PIGW: variants seen among roughly 807,000 people sequenced by gnomAD.
PIGW encodes the protein phosphatidylinositol glycan anchor biosynthesis class W, also known as glucosaminyl-phosphatidylinositol-acyltransferase PIGW.
A neutral mutation model predicts 34.0 loss-of-function variants in PIGW; 23 were observed. That is an observed-to-expected ratio of 0.68 (90% CI 0.49 to 0.96). The LOEUF (loss-of-function observed/expected upper bound fraction) is 0.96. Ranked by LOEUF, PIGW falls within the 40% of genes least tolerant of loss-of-function variation. The pLI, the probability that PIGW is intolerant of heterozygous loss-of-function variation, is 0.00. For synonymous variants in PIGW, 225 were observed against 225.2 expected (o/e 1.00, Z 0.01); for missense variants, 574 against 586.3 (o/e 0.98, Z 0.22).
rs1369254760 is a variant in PIGW at position 36,535,449 on chromosome 17, C to G, written c.-152C>G. 1 of 152,262 alleles carries G rather than the reference C, an allele frequency of 6.6e-6. No individual in the cohort carries two copies. The highest frequency in any genetic ancestry group is 1.5e-5 in the Non-Finnish European group (1 of 68,072). 9.4% of individuals were successfully genotyped at this position (152,262 alleles called of 1,614,324 possible). On this transcript the variant is annotated 5_prime_UTR_variant, in exon 1 of 2. Transcript: ENST00000614443. ...CGGAGACGCGCGGAATCGGCCGGCC[C>G]GGAAGTGCCAGCTGCCTGCGTCGGC...
rs766839187 is a variant in PIGW at position 36,538,141 on chromosome 17, C to T, written c.1040C>T (p.Ala347Val). The T allele has an allele frequency of 1.1e-5, 18 of 1,614,086 alleles. No individual in the cohort carries two copies. Among genetic ancestry groups the T allele is most frequent in the Non-Finnish European group, 1.4e-5 (17 of 1,180,002 alleles). ...GTAGCCTGTTTTCTTTTACTGGCAG[C>T]TATTAGCCTCTTCATATCTCTTTAC... ...IKVACFLLLA[A>V]ISLFISLYVV... The change falls in exon 2 of 2, where the codon GCT (alanine) becomes GTT (valine). Residue 347 changes from alanine (A) to valine (V), a missense_variant. Transcript: ENST00000614443.
In PIGW at chr17:36,537,927, C is replaced by T. The variant is rs2074165401; in HGVS notation, c.826C>T (p.Leu276Phe). The change falls in exon 2 of 2, where the codon CTT becomes TTT. Residue 276 changes from leucine (L) to phenylalanine (F), a missense_variant. Coordinates refer to ENST00000614443, the MANE Select transcript of PIGW (RefSeq NM_001346754.2). ...CATTACTGTATTATACCAGCTAGCC[C>T]TTGACTTTACCTCACTGAAGAGGTT... is the stretch of plus-strand genomic sequence containing the variant. ...LGITVLYQLALDFTSLKRLIL... is the reference protein window; with the variant it reads ...LGITVLYQLAFDFTSLKRLIL... The T allele has an allele frequency of 1.2e-6, 2 of 1,613,934 alleles. No homozygotes were observed. Among genetic ancestry groups the T allele is most frequent in the Admixed American group, 1.7e-5 (1 of 60,000 alleles).
Position 36,535,420 on chromosome 17 carries a change from T to C in PIGW, c.-181T>C, listed in dbSNP as rs1201000074. Reference sequence around the variant, plus strand: ...CGGGACACTGGCACGAGCGCCATGATGGGCGGAGACGCGCGGAATCGGCCG... The same window carrying C: ...CGGGACACTGGCACGAGCGCCATGACGGGCGGAGACGCGCGGAATCGGCCG... On this transcript the variant is annotated 5_prime_UTR_variant, in exon 1 of 2. An upstream start codon of the reference 5' UTR is lost. Coordinates refer to ENST00000614443, the MANE Select transcript of PIGW (RefSeq NM_001346754.2). 1 of 152,200 alleles carries C rather than the reference T, an allele frequency of 6.6e-6. No individual in the cohort carries two copies. Among genetic ancestry groups the C allele is most frequent in the Non-Finnish European group, 1.5e-5 (1 of 68,058 alleles). 9.4% of individuals were successfully genotyped at this position (152,200 alleles called of 1,614,324 possible).
intron 1 of PIGW, among the ~76,000 whole-genome samples, chr17:36,536,468 C>T (rs1259049608): frequency 6.6e-6 from 1 of 152,038 alleles, no homozygotes; most frequent in Admixed American, 6.6e-5. Flanking sequence ...GCCTATGATG[C>T]CATTCTCAGA....
Position 36,537,987 on chromosome 17 carries a change from G to T in PIGW, c.886G>T (p.Val296Phe), listed in dbSNP as rs143449294. The T allele has an allele frequency of 8.2e-5, 132 of 1,613,912 alleles. No individual in the cohort carries two copies. Among genetic ancestry groups the T allele is most frequent in the Non-Finnish European group, 1.1e-4 (127 of 1,180,050 alleles). The change falls in exon 2 of 2, where the codon GTT (valine) becomes TTT (phenylalanine). Residue 296 changes from valine to phenylalanine, a missense_variant. Coordinates refer to ENST00000614443, the MANE Select transcript of PIGW (RefSeq NM_001346754.2). ...LYGTDGSGTR[V>F]GLLNANREGI... is the part of the protein sequence containing the mutation. Reference sequence around the variant, plus strand: ...TGGCACTGATGGTAGTGGCACACGGGTTGGTCTATTAAATGCCAACCGCGA... The same window carrying T: ...TGGCACTGATGGTAGTGGCACACGGTTTGGTCTATTAAATGCCAACCGCGA...
In PIGW at chr17:36,538,006, A is replaced by T. The variant is rs773486077; in HGVS notation, c.905A>T (p.Asn302Ile). ...ACACGGGTTGGTCTATTAAATGCCAACCGCGAAGGAATAATCTCTACCCTG... is the reference window on the plus strand; with the variant it reads ...ACACGGGTTGGTCTATTAAATGCCATCCGCGAAGGAATAATCTCTACCCTG... ...SGTRVGLLNANREGIISTLGY... is the reference protein window; with the variant it reads ...SGTRVGLLNAIREGIISTLGY... The change falls in exon 2 of 2, where the codon AAC becomes ATC. Residue 302 changes from asparagine to isoleucine, a missense_variant. Asn to Ile is a moderately radical substitution (Grantham distance 149). Coordinates refer to ENST00000614443, the MANE Select transcript of PIGW (RefSeq NM_001346754.2). 7 of 1,614,048 alleles carry T rather than the reference A, an allele frequency of 4.3e-6. No homozygotes were observed. The South Asian group carries it at 7.7e-5, about 18-fold the overall frequency.
chr17:36,536,115 G>A lies in PIGW; in HGVS notation c.-9+523G>A, dbSNP rs578124032. ...CAGACAATGATGTGTGGCATTCAGA[G>A]GTGTTTTACAACCCTTAATAAAAGA... On this transcript the variant is annotated intron_variant, in intron 1 of 1. Coordinates refer to ENST00000614443, the MANE Select transcript of PIGW (RefSeq NM_001346754.2). Among the ~76,000 whole-genome samples the A allele has an allele frequency of 2.0e-5, 3 of 152,186 alleles. No individual in the cohort carries two copies. The East Asian group carries it at 5.8e-4, about 29-fold the overall frequency.
Position 36,538,081 on chromosome 17 carries a change from A to G in PIGW, c.980A>G (p.His327Arg), listed in dbSNP as rs528500343. The G allele has an allele frequency of 4.1e-4, 655 of 1,614,222 alleles. 6 individuals carry two copies. The South Asian group carries it at 6.8e-3, about 17-fold the overall frequency. ...MAGVQTGLYM[H>R]KNRSHIKDLI... ...GGTGTGCAAACAGGGTTATATATGCATAAGAACCGATCACATATCAAAGAC... is the reference window on the plus strand; with the variant it reads ...GGTGTGCAAACAGGGTTATATATGCGTAAGAACCGATCACATATCAAAGAC... The change falls in exon 2 of 2, where the codon CAT becomes CGT. Residue 327 changes from histidine (H) to arginine (R), a missense_variant. Coordinates refer to ENST00000614443, the MANE Select transcript of PIGW (RefSeq NM_001346754.2).
Position 36,535,350 on chromosome 17 carries a change from C to G in PIGW, c.-251C>G, listed in dbSNP as rs1418754622. On this transcript the variant is annotated 5_prime_UTR_variant, in exon 1 of 2. It adds an upstream start codon to the 5' untranslated region. Transcript: ENST00000614443. ...TCTCAGGGCTACGGCCCTAGAAGATCTGGCCTGCACCAGCCCAAAGGACAT... is the reference window on the plus strand; with the variant it reads ...TCTCAGGGCTACGGCCCTAGAAGATGTGGCCTGCACCAGCCCAAAGGACAT... 2 of 152,288 alleles carry G rather than the reference C, an allele frequency of 1.3e-5. No homozygotes were observed. The highest frequency in any genetic ancestry group is 2.9e-5 in the Non-Finnish European group (2 of 68,118). The allele number at this position is 152,288 out of a possible 1,614,324, so 9.4% of individuals were successfully genotyped here. A position where few individuals can be genotyped will look rare whatever the true frequency, so the allele number is the denominator to read the frequency against.
At position 36,535,433 on chromosome 17, in the gene PIGW, G is replaced by C. The variant is rs1408828948; in HGVS notation, c.-168G>C. 1 of 152,286 alleles carries C rather than the reference G, an allele frequency of 6.6e-6. No homozygotes were observed. The highest frequency in any genetic ancestry group is 1.9e-4 in the East Asian group (1 of 5,190). 9.4% of individuals were successfully genotyped at this position (152,286 alleles called of 1,614,324 possible). A position where few individuals can be genotyped will look rare whatever the true frequency, so the allele number is the denominator to read the frequency against. On this transcript the variant is annotated 5_prime_UTR_variant, in exon 1 of 2. Coordinates refer to ENST00000614443, the MANE Select transcript of PIGW (RefSeq NM_001346754.2). Reference sequence around the variant, plus strand: ...CGAGCGCCATGATGGGCGGAGACGCGCGGAATCGGCCGGCCCGGAAGTGCC... The same window carrying C: ...CGAGCGCCATGATGGGCGGAGACGCCCGGAATCGGCCGGCCCGGAAGTGCC...
intron 1 of PIGW, among the ~76,000 whole-genome samples, chr17:36,536,262 A>G (rs2074118728): frequency 6.6e-6 from 1 of 152,184 alleles, no homozygotes; most frequent in Admixed American, 6.5e-5. Context: ...GGATCCAGAA[A>G]TCACTGCAGG....
intron 1 of PIGW, among the ~76,000 whole-genome samples, chr17:36,535,865 C>G (rs1046194258): frequency 5.9e-5 from 9 of 151,424 alleles, no homozygotes; most frequent in Admixed American, 2.0e-4. Flanking sequence ...GCGATCCTCT[C>G]TCCTCCCAAA....
Position 36,537,155 on chromosome 17 carries a change from C to T in PIGW, c.54C>T (p.Thr18=), listed in dbSNP as rs529378174. 7.4e-6 allele frequency: 12 copies of T among 1,613,088 alleles called. No homozygotes were observed. The highest frequency in any genetic ancestry group is 3.3e-5 in the Admixed American group (2 of 59,754). The part of the protein sequence containing the change: ...EAFVSNLNGT[T]VLEITQGLCF... ...TTGTCAGTAACCTCAATGGAACCAC[C>T]GTGCTGGAAATCACCCAGGGATTGT... The change falls in exon 2 of 2, where the codon ACC becomes ACT. Residue 18 remains threonine, a synonymous_variant. Transcript: ENST00000614443.
At chr17:36,536,941 C>T (rs565146078) in intron 1 of PIGW, among the ~76,000 whole-genome samples, 153 bp from the exon 2 acceptor site, 7 of 152,290 alleles carry the variant, frequency 4.6e-5, no homozygotes, top group Admixed American at 3.3e-4. Context: ...TTCCCACAAT[C>T]CTTGGAAGGG....
chr17:36,538,020 A>G lies in PIGW; in HGVS notation c.919A>G (p.Ile307Val), dbSNP rs773988121. ...ATTAAATGCCAACCGCGAAGGAATA[A>G]TCTCTACCCTGGGGTATGTGGCAAT... is the stretch of plus-strand genomic sequence containing the variant. ...GLLNANREGIISTLGYVAIHM... is the reference protein window; with the variant it reads ...GLLNANREGIVSTLGYVAIHM... Residue 307 changes from isoleucine (I) to valine (V), a missense_variant, in exon 2 of 2, where the codon ATC becomes GTC. Transcript: ENST00000614443. 3.1e-6 allele frequency: 5 copies of G among 1,614,088 alleles called. No individual in the cohort carries two copies. The Admixed American group carries it at 6.7e-5, about 22-fold the overall frequency.
chr17:36,536,633 G>C (rs1352170392), intron 1 of PIGW, among the ~76,000 whole-genome samples: 1 of 147,702 alleles, frequency 6.8e-6, no homozygotes, highest in African/African-American at 2.5e-5. Context: ...TCCTGCCTCA[G>C]CCTCTAAAGT....
Position 36,537,313 on chromosome 17 carries a change from C to CT in PIGW, c.215dup (p.Leu72PhefsTer11), listed in dbSNP as rs2074154987. On this transcript the variant is annotated frameshift_variant, in exon 2 of 2. Coordinates refer to ENST00000614443, the MANE Select transcript of PIGW (RefSeq NM_001346754.2). LOFTEE classifies it high-confidence loss of function. Reference sequence around the variant, plus strand: ...GTCCTAATAGTTCCCATGGTAGCCACTTTGACCATTTGGGCTTCATTTATC... The same window carrying CT: ...GTCCTAATAGTTCCCATGGTAGCCACTTTTGACCATTTGGGCTTCATTTATC... The CT allele has an allele frequency of 6.2e-7, 1 of 1,613,906 alleles. No homozygotes were observed. Among genetic ancestry groups the CT allele is most frequent in the Non-Finnish European group, 8.5e-7 (1 of 1,179,994 alleles).
rs748766158 is a variant in PIGW, at chr17:36,539,044, C to T, written c.*428C>T. 5.9e-5 allele frequency: 10 copies of T among 170,370 alleles called. 1 individual carries two copies. Among genetic ancestry groups the T allele is most frequent in the Non-Finnish European group, 7.1e-5 (5 of 70,566 alleles). The allele number at this position is 170,370 out of a possible 1,614,324, so 10.6% of individuals were successfully genotyped here. On this transcript the variant is annotated 3_prime_UTR_variant, in exon 2 of 2. Transcript: ENST00000614443. ...TGCTGGGATTACAGGTGTGAGCCACCACACTGGGCCAATGCTTAATATTTT... is the reference window on the plus strand; with the variant it reads ...TGCTGGGATTACAGGTGTGAGCCACTACACTGGGCCAATGCTTAATATTTT...
chr17:36,538,674 T>A lies in PIGW; in HGVS notation c.*58T>A. On this transcript the variant is annotated 3_prime_UTR_variant, in exon 2 of 2. Transcript: ENST00000614443. ...AATATTTAATGAGGAATATTAATTG[T>A]AAAGAAATTGTGCTTTTGGCAACAG... 1 of 1,377,790 alleles carries A rather than the reference T, an allele frequency of 7.3e-7. No individual in the cohort carries two copies. Among genetic ancestry groups the A allele is most frequent in the Non-Finnish European group, 9.9e-7 (1 of 1,009,042 alleles). The allele number at this position is 1,377,790 out of a possible 1,614,324, so 85.3% of individuals were successfully genotyped here.
Sources: allele counts gnomAD v4.1 joint callset (sites outside exome capture counted in the v4.1 genomes callset), GRCh38; gene constraint gnomAD v4.1.1; transcripts MANE v1.5; gene names NCBI Gene and HGNC (gene_info 2026-07-23, HGNC 2026-07-21).